The following CHSY3 variants were observed in gnomAD, a reference collection of about 807,000 sequenced individuals.
CHSY3 encodes N-acetylgalactosaminyl-proteoglycan 3-beta-glucuronosyltransferase 3.
In CHSY3, 35 loss-of-function variants were observed where a neutral mutation model predicts 67.2. That is an observed-to-expected ratio of 0.52 (90% confidence interval 0.40 to 0.69). The LOEUF is 0.69. CHSY3 is among the 30% of genes least tolerant of loss of function. The pLI is 0.00. For missense variants in CHSY3, 1,069 were observed against 1,138.5 expected (o/e 0.94, Z 0.88); for synonymous variants, 474 against 434.7 (o/e 1.09, Z -1.12).
chr5:129,985,055 G>T (rs1340592125), intron 2 of CHSY3, among the ~76,000 whole-genome samples: 1 of 152,104 alleles, frequency 6.6e-6, no homozygotes, highest in Non-Finnish European at 1.5e-5. Flanking sequence ...TTTTGGTTTT[G>T]TTACAATTGC....
chr5:129,921,285 C>A (rs1760916254), intron 2 of CHSY3, among the ~76,000 whole-genome samples: 1 of 152,128 alleles, frequency 6.6e-6, no homozygotes, highest in African/African-American at 2.4e-5. Context: ...TTGACACAAG[C>A]ATTATGATAC....
chr5:130,137,664 A>G (rs944628346), intron 2 of CHSY3, among the ~76,000 whole-genome samples: 1 of 152,220 alleles, frequency 6.6e-6, no homozygotes, highest in Non-Finnish European at 1.5e-5. Flanking sequence ...TAGAGTCAAC[A>G]GTAAAAGGAT....
chr5:130,135,865 T>G (rs1307024252), intron 2 of CHSY3, among the ~76,000 whole-genome samples: 1 of 152,216 alleles, frequency 6.6e-6, no homozygotes, highest in Non-Finnish European at 1.5e-5. Context: ...CCATTATTAT[T>G]TTGCGTATAT....
Position 130,184,672 on chromosome 5 carries a change from C to A in CHSY3, c.1530C>A (p.Ala510=). The A allele has an allele frequency of 1.2e-6, 2 of 1,605,846 alleles. No individual in the cohort carries two copies. Among genetic ancestry groups the A allele is most frequent in the South Asian group, 2.2e-5 (2 of 90,924 alleles). ...LQVMEMINEN[A]KSRGRLIDFK... ...TGATGGAGATGATCAATGAGAATGC[C>A]AAGAGCAGAGGACGGCTCATTGACT... The change falls in exon 3 of 3, where the codon GCC becomes GCA. Residue 510 remains alanine, a synonymous_variant. Transcript: ENST00000305031.
intron 2 of CHSY3, among the ~76,000 whole-genome samples, chr5:129,979,386 TATC>T (rs1762911142): frequency 1.3e-5 from 2 of 152,210 alleles, no homozygotes; most frequent in African/African-American, 4.8e-5. Context: ...CACTGTATGA[TATC>T]ATAAAGTATT....
intron 2 of CHSY3, among the ~76,000 whole-genome samples, chr5:129,940,405 GTAATTACCAAAATTA>G (rs1281274204): frequency 6.6e-6 from 1 of 152,034 alleles, no homozygotes; most frequent in Non-Finnish European, 1.5e-5. Flanking sequence ...TTTCAAAAGA[GTAATTACCAAAATTA>G]TATCATTATA....
intron 2 of CHSY3, among the ~76,000 whole-genome samples, chr5:129,969,864 AAAAAG>A (rs1762589702): frequency 1.3e-5 from 2 of 151,914 alleles, no homozygotes; most frequent in South Asian, 4.1e-4. Context: ...CTGTTGTATC[AAAAAG>A]AAAATAAGGA....
intron 2 of CHSY3, among the ~76,000 whole-genome samples, chr5:130,055,267 A>G (rs1765492324): frequency 7.1e-6 from 1 of 141,770 alleles, no homozygotes; most frequent in Non-Finnish European, 1.5e-5. Flanking sequence ...ATGTCTTAGA[A>G]TTTGCCCCTT....
chr5:129,940,430 A>T (rs1209461408), intron 2 of CHSY3, among the ~76,000 whole-genome samples: 1 of 152,172 alleles, frequency 6.6e-6, no homozygotes. Flanking sequence ...ATATCATTAT[A>T]TTGTTGTACA....
chr5:129,990,604 A>G (rs898422699), intron 2 of CHSY3, among the ~76,000 whole-genome samples: 1 of 152,196 alleles, frequency 6.6e-6, no homozygotes, highest in Non-Finnish European at 1.5e-5. Flanking sequence ...TATTAATGCT[A>G]GAAATATTAT....
chr5:130,063,308 AACTT>A (rs150322725), intron 2 of CHSY3, among the ~76,000 whole-genome samples: 198 of 152,264 alleles, frequency 1.3e-3, no homozygotes, highest in African/African-American at 4.5e-3. Flanking sequence ...TTTTGTCTTC[AACTT>A]TTGGAGCCCA....
At chr5:130,137,277 C>A (rs1403089182) in intron 2 of CHSY3, among the ~76,000 whole-genome samples, 1 of 152,172 alleles carries the variant, frequency 6.6e-6, no homozygotes, top group Non-Finnish European at 1.5e-5. Flanking sequence ...TCCTACAACT[C>A]TTTTCCTTTA....
intron 2 of CHSY3, among the ~76,000 whole-genome samples, chr5:129,958,978 A>G (rs183316977): frequency 1.3e-5 from 2 of 152,282 alleles, no homozygotes; most frequent in Admixed American, 1.3e-4. Context: ...AATAAATGAC[A>G]TATTAATCTA....
chr5:129,945,638 T>C (rs537478810), intron 2 of CHSY3, among the ~76,000 whole-genome samples: 2 of 152,228 alleles, frequency 1.3e-5, no homozygotes, highest in African/African-American at 4.8e-5. Context: ...GGGAAACTTT[T>C]GGATTTTTCC....
At chr5:129,929,510 G>A (rs1761229111) in intron 2 of CHSY3, among the ~76,000 whole-genome samples, 1 of 152,164 alleles carries the variant, frequency 6.6e-6, no homozygotes, top group East Asian at 1.9e-4. Flanking sequence ...TTGATGGGCT[G>A]TATTCTGAAA....
At chr5:129,915,387 C>T (rs551200099) in intron 2 of CHSY3, among the ~76,000 whole-genome samples, 4 of 152,226 alleles carry the variant, frequency 2.6e-5, no homozygotes, top group Non-Finnish European at 4.4e-5. Context: ...ACATATAAAT[C>T]GGTTTGAGTC....
At chr5:129,979,510 A>G (rs533723928) in intron 2 of CHSY3, among the ~76,000 whole-genome samples, 1 of 152,160 alleles carries the variant, frequency 6.6e-6, no homozygotes, top group South Asian at 2.1e-4. Context: ...GAGATTTCCC[A>G]TGTATCTCCG....
chr5:130,140,619 G>A (rs2149718996), intron 2 of CHSY3: 2 of 418,688 alleles, frequency 4.8e-6, no homozygotes, highest in South Asian at 8.3e-5. Flanking sequence ...TTTGACCTGG[G>A]AGATGGCACT....
At chr5:130,033,257 A>G (rs1194213170) in intron 2 of CHSY3, among the ~76,000 whole-genome samples, 3 of 152,174 alleles carry the variant, frequency 2.0e-5, no homozygotes, top group Non-Finnish European at 4.4e-5. Context: ...AGTCTAGTGT[A>G]ATCATCATTT....
Sources: allele counts gnomAD v4.1 joint callset (sites outside exome capture counted in the v4.1 genomes callset), GRCh38; gene constraint gnomAD v4.1.1; transcripts MANE v1.5; gene names NCBI Gene and HGNC (gene_info 2026-07-23, HGNC 2026-07-21).